Variants in LPP observed in about 807,000 individuals in gnomAD.
LPP encodes LIM domain containing preferred translocation partner in lipoma.
In LPP, 38 loss-of-function variants were observed where a neutral mutation model predicts 60.4. The observed-to-expected ratio is 0.63, with a 90% confidence interval of 0.49 to 0.83. LPP has a LOEUF of 0.83. Ranked by LOEUF, LPP falls within the 40% of genes least tolerant of loss-of-function variation. The pLI is 0.00. For missense variants in LPP, 902 were observed against 783.6 expected (o/e 1.15, Z -1.80); for synonymous variants, 328 against 290.8 (o/e 1.13, Z -1.30).
At chr3:188,212,979 C>T (rs1711873777) in intron 1 of LPP, 1 of 152,154 alleles carries the variant, frequency 6.6e-6, no homozygotes, top group African/African-American at 2.4e-5. Flanking sequence ...CAGGGGAGTA[C>T]TTCTTACAGT....
chr3:188,612,396 T>C (rs1269562820), intron 7 of LPP, among the ~76,000 whole-genome samples: 1 of 152,192 alleles, frequency 6.6e-6, no homozygotes, highest in East Asian at 1.9e-4. Flanking sequence ...CAGAGGACCT[T>C]ATTGTCCTTA....
At position 188,273,550 on chromosome 3, in the gene LPP, G is replaced by T. The variant is rs192378116; in HGVS notation, c.-67+48023G>T. 8.3e-3 allele frequency among the ~76,000 whole-genome samples: 1,198 copies of T among 144,050 alleles called. 31 individuals carry two copies. The East Asian group carries it at 0.093, about 11-fold the overall frequency. The allele number at this position is 144,050 out of a possible 152,430, so 94.5% of individuals were successfully genotyped here. On this transcript the variant is annotated intron_variant, in intron 2 of 11. Transcript: ENST00000617246. ...TGTTCTCTGATACTTTTGTACTTTTGCCAGGTGATAAGTCCACCTTGACTT... is the reference window on the plus strand; with the variant it reads ...TGTTCTCTGATACTTTTGTACTTTTTCCAGGTGATAAGTCCACCTTGACTT...
chr3:188,665,486 T>C (rs1855586863), intron 7 of LPP, among the ~76,000 whole-genome samples: 1 of 144,780 alleles, frequency 6.9e-6, no homozygotes, highest in Non-Finnish European at 1.5e-5. Context: ...TGAGATGGAG[T>C]TTTGCTCTTG....
In LPP at chr3:188,609,853, C is replaced by T. The variant is rs200745146; in HGVS notation, c.1113+9C>T. On this transcript the variant is annotated intron_variant, in intron 7 of 11. Coordinates refer to ENST00000617246, the MANE Select transcript of LPP (RefSeq NM_001375462.1). The surrounding 1 kb of genome is among the most constrained non-coding windows in gnomAD (Gnocchi z 6.9). Reference sequence around the variant, plus strand: ...CACCATTGCAGCCAAAGGTAAGAAACTCAGTAACATAAGGAGGAGAATACA... The same window carrying T: ...CACCATTGCAGCCAAAGGTAAGAAATTCAGTAACATAAGGAGGAGAATACA... The T allele has an allele frequency of 8.8e-5, 141 of 1,603,064 alleles. No individual in the cohort carries two copies. In the African/African-American group the frequency reaches 1.6e-3, roughly 19 times the overall value.
chr3:188,840,542 G>C (rs1037819627), intron 9 of LPP, among the ~76,000 whole-genome samples: 1 of 152,040 alleles, frequency 6.6e-6, no homozygotes, highest in African/African-American at 2.4e-5. Context: ...TCTCTTTCCC[G>C]GGCTGGAGTG....
intron 2 of LPP, among the ~76,000 whole-genome samples, chr3:188,322,086 C>T (rs150814437): frequency 6.6e-6 from 1 of 152,162 alleles, no homozygotes; most frequent in Non-Finnish European, 1.5e-5. Flanking sequence ...TATACGAATC[C>T]CCATCTTTGC....
chr3:188,617,188 G>A (rs1489258975), intron 7 of LPP, among the ~76,000 whole-genome samples: 5 of 152,216 alleles, frequency 3.3e-5, no homozygotes, highest in African/African-American at 1.2e-4. Flanking sequence ...GCTAGCCTAC[G>A]TAAACCATCA....
chr3:188,390,049 A>G (rs75726017), intron 3 of LPP, among the ~76,000 whole-genome samples: 1,532 of 152,272 alleles, frequency 0.01, 29 homozygotes, highest in African/African-American at 0.035. Context: ...TTTCAGATCC[A>G]TAGAGGACCC....
intron 3 of LPP, among the ~76,000 whole-genome samples, chr3:188,365,202 T>C (rs1272079606): frequency 6.7e-6 from 1 of 149,134 alleles, no homozygotes; most frequent in Non-Finnish European, 1.5e-5. Flanking sequence ...TTAAAACCAC[T>C]CTTGTCCTCT....
rs1396766870 is a variant in LPP at position 188,517,043 on chromosome 3, A to G, written c.307-7622A>G. 7.9e-5 allele frequency among the ~76,000 whole-genome samples: 12 copies of G among 152,236 alleles called. No homozygotes were observed. In the East Asian group the frequency reaches 2.3e-3, roughly 29 times the overall value. On this transcript the variant is annotated intron_variant, in intron 5 of 11. Coordinates refer to ENST00000617246, the MANE Select transcript of LPP (RefSeq NM_001375462.1). ...CATACTCAATTGCCTGACTATTAAC[A>G]GAAGCATTTATTTTGAGACTATTGT...
chr3:188,751,556 C>T (rs1386059150), intron 8 of LPP, among the ~76,000 whole-genome samples: 2 of 152,156 alleles, frequency 1.3e-5, no homozygotes, highest in Non-Finnish European at 2.9e-5. Flanking sequence ...ATCAAGTTTC[C>T]TGCCTGGCCA....
intron 9 of LPP, among the ~76,000 whole-genome samples, chr3:188,767,778 C>T (rs561087931): frequency 3.3e-5 from 5 of 152,002 alleles, no homozygotes; most frequent in South Asian, 4.2e-4. Context: ...GGGATGGAGC[C>T]GACATAGTAT....
chr3:188,756,449 C>G (rs1560162316), intron 8 of LPP, among the ~76,000 whole-genome samples: 1 of 152,060 alleles, frequency 6.6e-6, no homozygotes, highest in African/African-American at 2.4e-5. Context: ...GTACTATTCT[C>G]CTGGTTTCTC....
At chr3:188,301,846 A>T (rs576478559) in intron 2 of LPP, among the ~76,000 whole-genome samples, 2 of 151,892 alleles carry the variant, frequency 1.3e-5, no homozygotes, top group Non-Finnish European at 2.9e-5. Context: ...TTTTAAAGAC[A>T]GTATTTTGCC....
chr3:188,708,751 A>G, intron 8 of LPP: 9 of 326,524 alleles, frequency 2.8e-5, no homozygotes, highest in Non-Finnish European at 5.1e-5. Flanking sequence ...CCAGCTACTC[A>G]GAAGGCTGAG....
rs1180500775 is a variant in LPP at position 188,154,558 on chromosome 3, G to C, written c.-190+306G>C. Among the ~76,000 whole-genome samples the C allele has an allele frequency of 2.8e-4, 42 of 152,310 alleles. 2 individuals carry two copies. ...GCGGGGCCACGCCCATCCGCTTAGA[G>C]CTTTCGCGGAATCACAGTTGTCACA... On this transcript the variant is annotated intron_variant, in intron 1 of 11. Coordinates refer to ENST00000617246, the MANE Select transcript of LPP (RefSeq NM_001375462.1).
intron 7 of LPP, among the ~76,000 whole-genome samples, chr3:188,686,550 G>A (rs186624160): frequency 3.9e-5 from 6 of 152,260 alleles, no homozygotes; most frequent in East Asian, 3.9e-4. Flanking sequence ...CTTATCTTAC[G>A]TTGCCCATCA....
chr3:188,407,377 G>T (rs1287251089), intron 4 of LPP, among the ~76,000 whole-genome samples: 1 of 152,174 alleles, frequency 6.6e-6, no homozygotes, highest in Non-Finnish European at 1.5e-5. Flanking sequence ...TGGGTCTGAT[G>T]CCAGAAGCCT....
In LPP at chr3:188,203,379, A is replaced by T. The variant is rs868356902; in HGVS notation, c.-189-22026A>T. The stretch of plus-strand genomic sequence containing the variant: ...ACATATATTTATATAAATATATATT[A>T]ATATTTATATATTAATATATATTTT... On this transcript the variant is annotated intron_variant, in intron 1 of 11. Coordinates refer to ENST00000617246, the MANE Select transcript of LPP (RefSeq NM_001375462.1). Among the ~76,000 whole-genome samples, 273 of 96,996 alleles carry T rather than the reference A, an allele frequency of 2.8e-3. 1 individual carries two copies. The highest frequency in any genetic ancestry group is 3.7e-3 in the South Asian group (11 of 2,942). 63.6% of individuals were successfully genotyped at this position (96,996 alleles called of 152,430 possible).
Sources: gnomAD v4.1 joint callset for allele counts (sites outside exome capture counted in the v4.1 genomes callset) on GRCh38, gnomAD v4.1.1 for gene constraint, Gnocchi (gnomAD v3.1) non-coding constraint, MANE v1.5 for transcripts, NCBI Gene and HGNC (gene_info 2026-07-23, HGNC 2026-07-21) for gene names.